The following TENM1 variants were observed in gnomAD, a reference collection of about 807,000 sequenced individuals.
TENM1 encodes the protein teneurin-1.
TENM1 carries 35 observed loss-of-function variants against 174.8 expected under a neutral mutation model. The ratio of observed to expected loss-of-function variants is 0.20; its 90% CI spans 0.15 to 0.27. The LOEUF is 0.27. Among genes scored for constraint, TENM1 ranks in the 10% least tolerant of loss-of-function variants. The probability of loss-of-function intolerance (pLI) is 1.00; values close to 1 mark genes in which losing one functional copy is unlikely to be tolerated. For missense variants in TENM1, 1,633 were observed against 2,130.1 expected (o/e 0.77, Z 4.59); for synonymous variants, 781 against 798.7 (o/e 0.98, Z 0.37).
chrX:125,158,050 A>G, the TENM1 span, among the ~76,000 whole-genome samples: 1 of 111,335 alleles, frequency 9.0e-6, no homozygotes, highest in Non-Finnish European at 1.9e-5. Flanking sequence ...CGGAGAAGGA[A>G]TATTTTTTGG....
chrX:124,543,927 T>C (rs1275777301), intron 15 of TENM1, among the ~76,000 whole-genome samples: 1 of 112,480 alleles, frequency 8.9e-6, no homozygotes, highest in Non-Finnish European at 1.9e-5. Flanking sequence ...GGATAAACAA[T>C]TTTTTAGCTT....
intron 23 of TENM1, among the ~76,000 whole-genome samples, chrX:124,452,979 G>A (rs2147847758): frequency 9.0e-6 from 1 of 110,525 alleles, no homozygotes; most frequent in South Asian, 3.9e-4. Context: ...CCTGCACATT[G>A]TGCACATGTA....
At chrX:124,981,145 A>T in the TENM1 span, among the ~76,000 whole-genome samples, 1 of 111,814 alleles carries the variant, frequency 8.9e-6, no homozygotes, top group East Asian at 2.8e-4. Context: ...GACATAGCAG[A>T]TCAGAAAAAT....
At chrX:124,508,154 A>G (rs1171584255) in intron 18 of TENM1, among the ~76,000 whole-genome samples, 2 of 112,466 alleles carry the variant, frequency 1.8e-5, no homozygotes, top group African/African-American at 3.2e-5. Flanking sequence ...AATACTATCT[A>G]TGTAAAACAA....
chrX:124,483,997 C>A (rs749563096), intron 21 of TENM1, among the ~76,000 whole-genome samples: 3 of 112,076 alleles, frequency 2.7e-5, no homozygotes, highest in African/African-American at 9.7e-5. Context: ...AGGATCCCAT[C>A]CACGATAACA....
At chrX:124,604,002 G>A (rs917463711) in intron 11 of TENM1, among the ~76,000 whole-genome samples, 1 of 111,376 alleles carries the variant, frequency 9.0e-6, no homozygotes, top group Non-Finnish European at 1.9e-5. Context: ...TGTAGTAGTT[G>A]TTTCTTTTGA....
At chrX:124,584,708 G>A (rs745577329) in intron 11 of TENM1, among the ~76,000 whole-genome samples, 1,236 of 111,087 alleles carry the variant, frequency 0.011, 23 homozygotes, top group African/African-American at 0.038. Flanking sequence ...ATGTAAATGG[G>A]CTAAATGCTC....
At chrX:125,126,791 T>C in the TENM1 span, among the ~76,000 whole-genome samples, 1 of 110,321 alleles carries the variant, frequency 9.1e-6, no homozygotes, top group African/African-American at 3.3e-5. Flanking sequence ...GGTGTTATAA[T>C]GCCATGCCCA....
In TENM1 at chrX:124,614,106, T is replaced by TA. The variant is rs1484918388; in HGVS notation, c.2077+27684dup. On this transcript the variant is annotated intron_variant, in intron 11 of 31. Coordinates refer to ENST00000422452, the Ensembl canonical transcript of TENM1. ...TTGGGGTGGTGGCGTGGTATGTCAA[T>TA]AGAGTTTGGCTGGTATGGCTGAGTC... 5.3e-4 allele frequency among the ~76,000 whole-genome samples: 59 copies of TA among 111,533 alleles called. 2 individuals are homozygous for TA. The South Asian group carries it at 0.022, about 42-fold the overall frequency.
At chrX:124,953,045 C>G (rs1204514897) in intron 1 of TENM1, among the ~76,000 whole-genome samples, 1 of 111,787 alleles carries the variant, frequency 8.9e-6, no homozygotes, top group Admixed American at 9.5e-5. Context: ...TGAAAATAAA[C>G]AGAACTTATT....
At chrX:124,592,923 T>C (rs1288328055) in intron 11 of TENM1, among the ~76,000 whole-genome samples, 5 of 111,313 alleles carry the variant, frequency 4.5e-5, no homozygotes, top group Admixed American at 2.8e-4. Context: ...AGCCAGTAGA[T>C]GGTGCTTGTA....
At chrX:124,707,016 C>T (rs2148497441) in intron 4 of TENM1, among the ~76,000 whole-genome samples, 1 of 103,731 alleles carries the variant, frequency 9.6e-6, no homozygotes, top group South Asian at 4.7e-4. Flanking sequence ...GGCACGATCT[C>T]ATTCACTGCA....
chrX:124,587,768 G>A (rs2049581388), intron 11 of TENM1, among the ~76,000 whole-genome samples: 1 of 111,313 alleles, frequency 9.0e-6, no homozygotes, highest in Non-Finnish European at 1.9e-5. Context: ...CAAAATGGGA[G>A]AAAATTTTCA....
the TENM1 span, among the ~76,000 whole-genome samples, chrX:125,122,609 C>T: frequency 2.7e-5 from 3 of 111,295 alleles, no homozygotes; most frequent in Non-Finnish European, 5.6e-5. Context: ...CTACTCATTG[C>T]CAGGCACAGT....
chrX:124,844,736 C>T (rs1299420123), intron 3 of TENM1, among the ~76,000 whole-genome samples: 1 of 111,673 alleles, frequency 9.0e-6, no homozygotes, highest in African/African-American at 3.3e-5. Flanking sequence ...TCACCTGGTT[C>T]CCTGAAAAAG....
intron 11 of TENM1, among the ~76,000 whole-genome samples, chrX:124,627,669 G>A (rs1052749897): frequency 1.8e-5 from 2 of 111,700 alleles, no homozygotes; most frequent in African/African-American, 6.5e-5. Flanking sequence ...CATGGTGGGA[G>A]AACTATTCAA....
intron 3 of TENM1, among the ~76,000 whole-genome samples, chrX:124,876,161 G>C (rs775772391): frequency 9.0e-6 from 1 of 110,894 alleles, no homozygotes; most frequent in South Asian, 3.8e-4. Flanking sequence ...TTGTACCTCA[G>C]TTATGGAGCG....
chrX:124,606,178 T>G lies in TENM1; in HGVS notation c.2077+35613A>C, dbSNP rs866607039. Among the ~76,000 whole-genome samples the G allele has an allele frequency of 6.3e-5, 7 of 111,022 alleles. No homozygotes were observed. The South Asian group carries it at 1.5e-3, about 24-fold the overall frequency. Reference sequence around the variant, plus strand: ...GCATATTCTTGGGCCCCACTGCAGATCTACTGAGTCAAAATGTGAGGGTGA... The same window carrying G: ...GCATATTCTTGGGCCCCACTGCAGAGCTACTGAGTCAAAATGTGAGGGTGA... On this transcript the variant is annotated intron_variant, in intron 11 of 31. Transcript: ENST00000422452.
intron 17 of TENM1, 65 bp from the exon 21 acceptor site, chrX:124,520,849 T>C (rs2047831483): frequency 2.0e-6 from 2 of 1,009,045 alleles, no homozygotes; most frequent in African/African-American, 1.9e-5. Flanking sequence ...TAGATGAGGA[T>C]ATTGCATGCT....
Sources: allele counts gnomAD v4.1 joint callset (sites outside exome capture counted in the v4.1 genomes callset), GRCh38; gene constraint gnomAD v4.1.1; transcripts MANE v1.5; gene names NCBI Gene and HGNC (gene_info 2026-07-23, HGNC 2026-07-21).